The following TAFA2 variants were observed in gnomAD, a reference collection of about 807,000 sequenced individuals.
The protein encoded by TAFA2 is chemokine-like protein TAFA-2.
A neutral mutation model predicts 18.8 loss-of-function variants in TAFA2; 7 were observed. The ratio of observed to expected loss-of-function variants is 0.37; its 90% CI spans 0.21 to 0.70. The LOEUF (loss-of-function observed/expected upper bound fraction) is 0.70, where lower values mean the gene tolerates loss of function less well. Ranked by LOEUF, TAFA2 falls within the 30% of genes least tolerant of loss-of-function variation. TAFA2 has a pLI of 0.53. For synonymous variants in TAFA2, 60 were observed against 54.2 expected, an observed-to-expected ratio of 1.11 and a Z score of -0.47; for missense variants, 122 against 158.1, an observed-to-expected ratio of 0.77 and a Z score of 1.23.
intron 1 of TAFA2, among the ~76,000 whole-genome samples, chr12:61,997,762 A>G (rs893342902): frequency 1.3e-5 from 2 of 152,170 alleles, no homozygotes; most frequent in Admixed American, 6.5e-5. Flanking sequence ...TTTAAAAAAA[A>G]GTGGAGGGAC....
chr12:61,998,711 T>A (rs1386577932), intron 1 of TAFA2, among the ~76,000 whole-genome samples: 1 of 152,158 alleles, frequency 6.6e-6, no homozygotes, highest in African/African-American at 2.4e-5. Context: ...CACCTTGTAA[T>A]GTACTATACA....
At chr12:61,811,157 ATATTAGT>A (rs1871852401) in intron 2 of TAFA2, among the ~76,000 whole-genome samples, 1 of 151,372 alleles carries the variant, frequency 6.6e-6, no homozygotes, top group African/African-American at 2.5e-5. Context: ...TAACACACAA[ATATTAGT>A]TATTAGTAGT....
intron 1 of TAFA2, among the ~76,000 whole-genome samples, chr12:61,892,642 G>A (rs1370491335): frequency 6.6e-6 from 1 of 152,112 alleles, no homozygotes; most frequent in Non-Finnish European, 1.5e-5. Flanking sequence ...TTTGAGACCA[G>A]CCTGGCCAAC....
intron 1 of TAFA2, among the ~76,000 whole-genome samples, chr12:62,020,366 C>T (rs1881089069): frequency 6.6e-6 from 1 of 152,204 alleles, no homozygotes; most frequent in Admixed American, 6.5e-5. Flanking sequence ...GGCGACCCTA[C>T]ACTTCCAAAG....
At position 62,120,900 on chromosome 12, in the gene TAFA2, C is replaced by T. The variant is rs566848662; in HGVS notation, c.-2+70359G>A. Among the ~76,000 whole-genome samples the T allele has an allele frequency of 9.9e-5, 15 of 151,860 alleles. No individual in the cohort carries two copies. The South Asian group carries it at 1.9e-3, about 19-fold the overall frequency. On this transcript the variant is annotated intron_variant, in intron 1 of 4. Coordinates refer to ENST00000416284, the MANE Select transcript of TAFA2 (RefSeq NM_178539.5). ...GATGGAGTTTCGCTCTTATTGCCCA[C>T]GCTGGAGTGCAATGGCGTGATCTCG...
intron 2 of TAFA2, among the ~76,000 whole-genome samples, chr12:61,767,483 GT>G (rs201255992): frequency 6.0e-5 from 9 of 150,998 alleles, no homozygotes; most frequent in East Asian, 3.9e-4. Context: ...ATGCTAAGAG[GT>G]TTTTTTTTCA....
chr12:61,829,082 A>C (rs1872624279), intron 2 of TAFA2, among the ~76,000 whole-genome samples: 1 of 151,942 alleles, frequency 6.6e-6, no homozygotes, highest in Non-Finnish European at 1.5e-5. Flanking sequence ...CATTAGTAAG[A>C]TATTTGTGAG....
intron 1 of TAFA2, among the ~76,000 whole-genome samples, chr12:61,868,214 T>A (rs1874440114): frequency 6.6e-6 from 1 of 152,196 alleles, no homozygotes; most frequent in Non-Finnish European, 1.5e-5. Flanking sequence ...GAAGAACAAA[T>A]TTGGCCTGTA....
intron 1 of TAFA2, among the ~76,000 whole-genome samples, chr12:62,123,772 C>CAACACACACA (rs1555192138): frequency 1.4e-5 from 1 of 69,024 alleles, no homozygotes; most frequent in African/African-American, 6.1e-5. Flanking sequence ...ATCTCCCCCA[C>CAACACACACA]CACACACATA....
intron 1 of TAFA2, among the ~76,000 whole-genome samples, chr12:62,072,622 A>T (rs915949935): frequency 6.6e-6 from 1 of 152,010 alleles, no homozygotes; most frequent in African/African-American, 2.4e-5. Flanking sequence ...CTCTACAAAA[A>T]ATACAAAAAA....
chr12:61,720,777 G>T lies in TAFA2; in HGVS notation c.385-10360C>A, dbSNP rs945516820. 1.7e-5 allele frequency: 7 copies of T among 401,544 alleles called. No homozygotes were observed. In the East Asian group the frequency reaches 2.8e-4, roughly 16 times the overall value. The allele number at this position is 401,544 out of a possible 1,614,324, so 24.9% of individuals were successfully genotyped here. A position where few individuals can be genotyped will look rare whatever the true frequency, so the allele number is the denominator to read the frequency against. On this transcript the variant is annotated intron_variant, in intron 4 of 4. Coordinates refer to ENST00000416284, the MANE Select transcript of TAFA2 (RefSeq NM_178539.5). ...AACTTCTGTCCCTTCCTTAGAATCC[G>T]ACCAACACTAGGATTCGCCACAACT...
At chr12:61,745,177 A>C (rs1002846278) in intron 4 of TAFA2, among the ~76,000 whole-genome samples, 5 of 152,092 alleles carry the variant, frequency 3.3e-5, no homozygotes, top group African/African-American at 1.2e-4. Flanking sequence ...CATTAAGTTA[A>C]ACGACCTAAA....
intron 1 of TAFA2, among the ~76,000 whole-genome samples, chr12:62,226,749 T>C (rs2062788699): frequency 6.6e-6 from 1 of 152,172 alleles, no homozygotes; most frequent in African/African-American, 2.4e-5. Context: ...AAGGCAAAAA[T>C]ATGGAAGTCA....
intron 1 of TAFA2, among the ~76,000 whole-genome samples, chr12:61,951,402 T>G (rs2121452734): frequency 6.6e-6 from 1 of 152,296 alleles, no homozygotes; most frequent in South Asian, 2.1e-4. Flanking sequence ...AACTGTTTTC[T>G]TACCCAAAAA....
chr12:61,902,990 C>T (rs10747949), intron 1 of TAFA2, among the ~76,000 whole-genome samples: 82,456 of 151,606 alleles, frequency 0.54, 23,715 homozygotes, highest in African/African-American at 0.74. Flanking sequence ...TAAATCCATC[C>T]GCTTTTTTAC....
intron 1 of TAFA2, among the ~76,000 whole-genome samples, chr12:61,954,849 G>A (rs1878596131): frequency 6.6e-6 from 1 of 152,060 alleles, no homozygotes; most frequent in Admixed American, 6.6e-5. Flanking sequence ...CAGATACTTC[G>A]ACTTCGGGAA....
At chr12:61,800,044 C>T (rs1203481404) in intron 2 of TAFA2, among the ~76,000 whole-genome samples, 4 of 151,980 alleles carry the variant, frequency 2.6e-5, no homozygotes, top group African/African-American at 7.2e-5. Context: ...AAATGAATAA[C>T]GGACATTTTT....
At chr12:61,923,682 C>T (rs1431696307) in intron 1 of TAFA2, among the ~76,000 whole-genome samples, 1 of 152,062 alleles carries the variant, frequency 6.6e-6, no homozygotes, top group Non-Finnish European at 1.5e-5. Context: ...GCCTATTCTC[C>T]TCCAAAGGAT....
At chr12:62,080,458 A>T (rs1868302038) in intron 1 of TAFA2, among the ~76,000 whole-genome samples, 1 of 152,056 alleles carries the variant, frequency 6.6e-6, no homozygotes, top group Non-Finnish European at 1.5e-5. Flanking sequence ...CCTACTGATA[A>T]TAGTTTCTTT....
Sources: gnomAD v4.1 joint callset for allele counts (sites outside exome capture counted in the v4.1 genomes callset) on GRCh38, gnomAD v4.1.1 for gene constraint, MANE v1.5 for transcripts, NCBI Gene and HGNC (gene_info 2026-07-23, HGNC 2026-07-21) for gene names.